The following LANCL3 variants were observed in gnomAD, a reference collection of about 807,000 sequenced individuals.
LANCL3 encodes lanC-like protein 3.
In LANCL3, 19 loss-of-function variants were observed where a neutral mutation model predicts 26.5. That is an observed-to-expected ratio of 0.72 (90% CI 0.50 to 1.05). The LOEUF is 1.05. LANCL3 is among the 50% of genes least tolerant of loss of function. The probability of loss-of-function intolerance (pLI) is 0.00; values close to 1 mark genes in which losing one functional copy is unlikely to be tolerated. For synonymous variants in LANCL3, 160 were observed against 166.6 expected, an observed-to-expected ratio of 0.96 and a Z score of 0.30; for missense variants, 318 against 362.7, an observed-to-expected ratio of 0.88 and a Z score of 1.00.
chrX:37,627,877 G>A (rs1925361901), intron 1 of LANCL3, among the ~76,000 whole-genome samples: 1 of 111,593 alleles, frequency 9.0e-6, no homozygotes, highest in South Asian at 3.8e-4. Context: ...TCCTGATTTT[G>A]ACCTCATGGA....
intron 4 of LANCL3, among the ~76,000 whole-genome samples, chrX:37,668,053 A>C (rs1292763513): frequency 9.1e-6 from 1 of 110,163 alleles, no homozygotes; most frequent in East Asian, 2.8e-4. Context: ...TGGGGATCAA[A>C]TTTCAACATG....
intron 1 of LANCL3, among the ~76,000 whole-genome samples, chrX:37,595,501 C>A (rs1293391603): frequency 8.9e-6 from 1 of 111,898 alleles, no homozygotes; most frequent in African/African-American, 3.2e-5. Context: ...ATACAATCTG[C>A]CTTTTGACAG....
In LANCL3 at chrX:37,677,851, G is replaced by C. The variant is rs1342721522; in HGVS notation, c.*2038G>C. ...TTCAGTATTCTAGACTAGAATCTGGGGATACAATAGTGAACAAAATAAACT... is the reference window on the plus strand; with the variant it reads ...TTCAGTATTCTAGACTAGAATCTGGCGATACAATAGTGAACAAAATAAACT... On this transcript the variant is annotated 3_prime_UTR_variant, in exon 5 of 5. Coordinates refer to ENST00000378619, the MANE Select transcript of LANCL3 (RefSeq NM_001170331.2). The C allele has an allele frequency of 8.9e-6, 1 of 111,737 alleles. No homozygotes were observed. Among genetic ancestry groups the C allele is most frequent in the East Asian group, 2.8e-4 (1 of 3,578 alleles). 9.2% of individuals were successfully genotyped at this position (111,737 alleles called of 1,213,427 possible). A position where few individuals can be genotyped will look rare whatever the true frequency, so the allele number is the denominator to read the frequency against.
chrX:37,597,209 T>A (rs1924455945), intron 1 of LANCL3, among the ~76,000 whole-genome samples: 1 of 112,433 alleles, frequency 8.9e-6, no homozygotes. Context: ...TTTGTATGAA[T>A]GCATCATATT....
rs1429249057 is a variant in LANCL3 at position 37,675,654 on chromosome X, G to C, written c.1104G>C (p.Arg368Ser). 6.2e-6 allele frequency: 7 copies of C among 1,121,859 alleles called. No homozygotes were observed. Among genetic ancestry groups the C allele is most frequent in the African/African-American group, 1.8e-5 (1 of 54,086 alleles). 92.5% of individuals were successfully genotyped at this position (1,121,859 alleles called of 1,213,427 possible). The change falls in exon 5 of 5, where the codon AGG becomes AGC. Residue 368 changes from arginine (R) to serine (S), a missense_variant and splice_region_variant. Physicochemically the swap from Arg to Ser is moderately radical, Grantham distance 110. Coordinates refer to ENST00000378619, the MANE Select transcript of LANCL3 (RefSeq NM_001170331.2). Reference protein sequence around the residue: ...GNSKYIYRAQRFAQFLFTEEF... With the variant: ...GNSKYIYRAQSFAQFLFTEEF... Reference sequence around the variant, plus strand: ...TGTTCATATTTTCTTCTTCTCTTAGGTTTGCTCAATTCTTATTTACCGAGG... The same window carrying C: ...TGTTCATATTTTCTTCTTCTCTTAGCTTTGCTCAATTCTTATTTACCGAGG...
intron 1 of LANCL3, 148 bp downstream of exon 1, chrX:37,572,591 A>C: frequency 2.1e-6 from 1 of 479,873 alleles, no homozygotes; most frequent in Non-Finnish European, 3.5e-6. Context: ...CAGTCCCTTG[A>C]GGTCTATCTC....
chrX:37,669,957 T>C (rs1229684923), intron 4 of LANCL3, among the ~76,000 whole-genome samples: 1 of 112,332 alleles, frequency 8.9e-6, no homozygotes, highest in Admixed American at 9.4e-5. Flanking sequence ...CTTTATTTCA[T>C]TTTGTATGAA....
intron 1 of LANCL3, among the ~76,000 whole-genome samples, chrX:37,583,213 A>G (rs1385450024): frequency 1.8e-5 from 2 of 111,986 alleles, no homozygotes; most frequent in Non-Finnish European, 3.8e-5. Context: ...TGTTTTGGTT[A>G]CTGTAGCCTT....
intron 1 of LANCL3, among the ~76,000 whole-genome samples, chrX:37,596,026 G>A (rs1382347561): frequency 1.8e-5 from 2 of 111,892 alleles, no homozygotes. Context: ...CTTATTTCCA[G>A]TAAGTTTACT....
chrX:37,633,064 C>A (rs1925582285), intron 1 of LANCL3, among the ~76,000 whole-genome samples: 1 of 111,546 alleles, frequency 9.0e-6, no homozygotes, highest in Non-Finnish European at 1.9e-5. Context: ...AACTTGGTTC[C>A]ATTCTCCCCG....
chrX:37,639,423 A>G (rs1925807061), intron 1 of LANCL3, among the ~76,000 whole-genome samples: 1 of 108,531 alleles, frequency 9.2e-6, no homozygotes, highest in South Asian at 4.2e-4. Context: ...TCTAGTGAAC[A>G]TGTTCTCTTT....
Position 37,675,765 on chromosome X carries a change from G to A in LANCL3, c.1215G>A (p.Leu405=). Residue 405 remains leucine (L), a synonymous_variant, in exon 5 of 5, where the codon CTG becomes CTA. Coordinates refer to ENST00000378619, the MANE Select transcript of LANCL3 (RefSeq NM_001170331.2). ...FSGTVCFLID[L]LQPNQAEFPL... The stretch of plus-strand genomic sequence containing the variant: ...GGACAGTGTGCTTTCTGATTGACCT[G>A]CTGCAGCCCAATCAGGCTGAATTCC... 1 of 1,160,798 alleles carries A rather than the reference G, an allele frequency of 8.6e-7. No individual in the cohort carries two copies. The highest frequency in any genetic ancestry group is 1.2e-6 in the Non-Finnish European group (1 of 869,549).
chrX:37,618,851 G>A (rs183813039), intron 1 of LANCL3, among the ~76,000 whole-genome samples: 1 of 111,835 alleles, frequency 8.9e-6, no homozygotes, highest in East Asian at 2.8e-4. Flanking sequence ...TGTTTGGAGA[G>A]ACACAATTCA....
intron 1 of LANCL3, among the ~76,000 whole-genome samples, chrX:37,633,982 A>T (rs943254677): frequency 8.9e-6 from 1 of 112,292 alleles, no homozygotes; most frequent in African/African-American, 3.2e-5. Context: ...AGGGACATTT[A>T]AGTCGGCAGA....
intron 1 of LANCL3, among the ~76,000 whole-genome samples, chrX:37,574,281 G>A (rs1360140418): frequency 9.0e-6 from 1 of 111,210 alleles, no homozygotes; most frequent in Non-Finnish European, 1.9e-5. Context: ...AGCCAGCACA[G>A]GACTTTGTCC....
intron 1 of LANCL3, among the ~76,000 whole-genome samples, chrX:37,637,046 G>A (rs1925726038): frequency 8.9e-6 from 1 of 111,743 alleles, no homozygotes; most frequent in African/African-American, 3.3e-5. Context: ...AAGCAGCCTT[G>A]ACCAATTATC....
chrX:37,656,094 T>G (rs1302153404), intron 2 of LANCL3, among the ~76,000 whole-genome samples: 4 of 111,567 alleles, frequency 3.6e-5, no homozygotes, highest in African/African-American at 3.3e-5. Context: ...CTGATTTTGC[T>G]GAAACATTGT....
chrX:37,624,063 A>G (rs982893755), intron 1 of LANCL3, among the ~76,000 whole-genome samples: 6 of 111,996 alleles, frequency 5.4e-5, no homozygotes, highest in Admixed American at 9.5e-5. Flanking sequence ...CATTGAATAT[A>G]ACACTGCAGT....
At chrX:37,574,227 G>C (rs782557070) in intron 1 of LANCL3, among the ~76,000 whole-genome samples, 1 of 110,593 alleles carries the variant, frequency 9.0e-6, no homozygotes, top group Non-Finnish European at 1.9e-5. Context: ...GCCCTTTGAG[G>C]GGAAAGTAGA....
Sources: gnomAD v4.1 joint callset for allele counts (sites outside exome capture counted in the v4.1 genomes callset) on GRCh38, gnomAD v4.1.1 for gene constraint, MANE v1.5 for transcripts, NCBI Gene and HGNC (gene_info 2026-07-23, HGNC 2026-07-21) for gene names.